TSC22D1: variants seen among roughly 807,000 people sequenced by gnomAD.
The protein encoded by TSC22D1 is TSC22 domain family protein 1.
In TSC22D1, 9 loss-of-function variants were observed where a neutral mutation model predicts 74.2. That is an observed-to-expected ratio of 0.12 (90% confidence interval 0.07 to 0.21). The LOEUF (loss-of-function observed/expected upper bound fraction) is 0.21. Among genes scored for constraint, TSC22D1 ranks in the 10% least tolerant of loss-of-function variants. The pLI is 1.00. For missense variants in TSC22D1, 1,427 were observed against 1,304.7 expected, an observed-to-expected ratio of 1.09 and a Z score of -1.44; for synonymous variants, 586 against 492.5, an observed-to-expected ratio of 1.19 and a Z score of -2.51.
At chr13:44,504,601 C>CAAAAAAAAAAA (rs10577341) in intron 1 of TSC22D1, among the ~76,000 whole-genome samples, 2 of 97,554 alleles carry the variant, frequency 2.1e-5, no homozygotes, top group Non-Finnish European at 4.1e-5. Flanking sequence ...GAGACTGTCT[C>CAAAAAAAAAAA]AAAAAAAAAA....
intron 1 of TSC22D1, among the ~76,000 whole-genome samples, chr13:44,551,967 G>GT (rs1595159608): frequency 6.6e-6 from 1 of 152,188 alleles, no homozygotes; most frequent in Admixed American, 6.5e-5. Flanking sequence ...TGGCACAGTA[G>GT]TAAGAGCAGA....
At chr13:44,474,070 A>G (rs928879292) in intron 1 of TSC22D1, 5 of 214,108 alleles carry the variant, frequency 2.3e-5, no homozygotes, top group African/African-American at 1.2e-4. Flanking sequence ...AAAACAAAGC[A>G]AAGAACTAAA....
At chr13:44,536,509 T>C (rs766339385) in intron 1 of TSC22D1, among the ~76,000 whole-genome samples, 8 of 151,864 alleles carry the variant, frequency 5.3e-5, no homozygotes, top group Admixed American at 2.6e-4. Context: ...GAGGCCAAGA[T>C]TTCTCCCACT....
At chr13:44,508,873 AG>A (rs1879556836) in intron 1 of TSC22D1, among the ~76,000 whole-genome samples, 1 of 152,168 alleles carries the variant, frequency 6.6e-6, no homozygotes, top group African/African-American at 2.4e-5. Context: ...AGTCAGACAC[AG>A]CCCCCGTGCT....
intron 1 of TSC22D1, among the ~76,000 whole-genome samples, chr13:44,519,165 C>T (rs1359143320): frequency 6.6e-6 from 1 of 152,144 alleles, no homozygotes. Context: ...ATGATTTCAA[C>T]AATATCATTG....
rs1875686655 is a variant in TSC22D1, at chr13:44,446,784, A to AAAG, written c.2913-10690_2913-10689insCTT. Among the ~76,000 whole-genome samples, 9 of 80,656 alleles carry AAAG rather than the reference A, an allele frequency of 1.1e-4. No homozygotes were observed. The South Asian group carries it at 3.5e-3, about 32-fold the overall frequency. 52.9% of individuals were successfully genotyped at this position (80,656 alleles called of 152,430 possible). On this transcript the variant is annotated intron_variant, in intron 1 of 2. Coordinates refer to ENST00000458659, the MANE Select transcript of TSC22D1 (RefSeq NM_183422.4). ...AAGAAGAAGAGGAAGAAGAGGAAGA[A>AAAG]GAGGAGGAGGAGGAGGAAAAGGAGG...
intron 1 of TSC22D1, among the ~76,000 whole-genome samples, chr13:44,438,933 C>A (rs1269104342): frequency 6.6e-6 from 1 of 151,994 alleles, no homozygotes; most frequent in Non-Finnish European, 1.5e-5. Context: ...ATTAAAGCAC[C>A]ATTTAAGCTA....
intron 1 of TSC22D1, among the ~76,000 whole-genome samples, chr13:44,527,309 T>C (rs1415155577): frequency 1.3e-5 from 2 of 152,124 alleles, no homozygotes; most frequent in South Asian, 2.1e-4. Flanking sequence ...ATAAATTTGT[T>C]CAAAATAATG....
intron 1 of TSC22D1, among the ~76,000 whole-genome samples, chr13:44,570,278 C>T (rs1234070091): frequency 6.6e-6 from 1 of 151,432 alleles, no homozygotes; most frequent in Admixed American, 6.6e-5. Context: ...GCAGCCTTGA[C>T]CTCCAGGGCT....
At chr13:44,537,558 T>A (rs1299091780) in intron 1 of TSC22D1, 1 of 984,976 alleles carries the variant, frequency 1.0e-6, no homozygotes, top group Non-Finnish European at 1.2e-6. Flanking sequence ...GCAAATATCA[T>A]TTTTAGTTCC....
rs191425697 is a variant in TSC22D1 at position 44,439,249 on chromosome 13, T to C, written c.2913-3154A>G. Among the ~76,000 whole-genome samples the C allele has an allele frequency of 3.5e-4, 53 of 152,360 alleles. 1 individual carries two copies. In the East Asian group the frequency reaches 4.4e-3, roughly 13 times the overall value. On this transcript the variant is annotated intron_variant, in intron 1 of 2. Coordinates refer to ENST00000458659, the MANE Select transcript of TSC22D1 (RefSeq NM_183422.4). Reference sequence around the variant, plus strand: ...ATCCTTCTACATACATCCTTGAACATGTATGTGTGTGTGCACACTTCTGGA... The same window carrying C: ...ATCCTTCTACATACATCCTTGAACACGTATGTGTGTGTGCACACTTCTGGA...
Position 44,434,002 on chromosome 13 carries a change from A to G in TSC22D1, c.*624T>C. On this transcript the variant is annotated 3_prime_UTR_variant, in exon 3 of 3. Coordinates refer to ENST00000458659, the MANE Select transcript of TSC22D1 (RefSeq NM_183422.4). ...ATATACAATAAGCAAAACAACCTTC[A>G]TGGTAAGATAGCCTAGGTCCCAGCT... 1 of 1,534,440 alleles carries G rather than the reference A, an allele frequency of 6.5e-7. No individual in the cohort carries two copies. The highest frequency in any genetic ancestry group is 8.7e-7 in the Non-Finnish European group (1 of 1,146,570).
intron 1 of TSC22D1, among the ~76,000 whole-genome samples, chr13:44,490,457 A>G (rs1878647338): frequency 6.6e-6 from 1 of 151,174 alleles, no homozygotes; most frequent in African/African-American, 2.4e-5. Context: ...TCTGTATGCT[A>G]TATTTCAATT....
intron 1 of TSC22D1, among the ~76,000 whole-genome samples, chr13:44,560,202 G>A (rs947912884): frequency 3.3e-5 from 5 of 152,044 alleles, no homozygotes; most frequent in African/African-American, 1.2e-4. Flanking sequence ...GGCTGAGGTG[G>A]GAAGATCACT....
At chr13:44,497,299 A>G (rs1194501510) in intron 1 of TSC22D1, among the ~76,000 whole-genome samples, 1 of 152,230 alleles carries the variant, frequency 6.6e-6, no homozygotes, top group African/African-American at 2.4e-5. Flanking sequence ...ACAAGGTCAC[A>G]TAGTATATGA....
intron 1 of TSC22D1, among the ~76,000 whole-genome samples, chr13:44,452,003 C>T (rs909557510): frequency 1.3e-5 from 2 of 152,208 alleles, no homozygotes; most frequent in African/African-American, 2.4e-5. Context: ...GTCAGGAAAG[C>T]AGGCAGGGGA....
Position 44,574,507 on chromosome 13 carries a change from C to T in TSC22D1, c.1568G>A (p.Gly523Asp). The T allele has an allele frequency of 6.2e-7, 1 of 1,614,150 alleles. No individual in the cohort carries two copies. Among genetic ancestry groups the T allele is most frequent in the Non-Finnish European group, 8.5e-7 (1 of 1,180,032 alleles). The change falls in exon 1 of 3, where the codon GGT becomes GAT. Residue 523 changes from glycine (G) to aspartate (D), a missense_variant. Physicochemically the swap from Gly to Asp is moderately conservative, Grantham distance 94. Coordinates refer to ENST00000458659, the MANE Select transcript of TSC22D1 (RefSeq NM_183422.4). Reference protein sequence around the residue: ...QGVTLQQMDFGSTGPQSIPAV... With the variant: ...QGVTLQQMDFDSTGPQSIPAV... Reference sequence around the variant, plus strand: ...TGGAATACTCTGTGGACCAGTGCTACCAAAATCCATCTGTTGGAGGGTCAC... The same window carrying T: ...TGGAATACTCTGTGGACCAGTGCTATCAAAATCCATCTGTTGGAGGGTCAC...
At chr13:44,452,265 G>A (rs867490508) in intron 1 of TSC22D1, among the ~76,000 whole-genome samples, 1 of 152,308 alleles carries the variant, frequency 6.6e-6, no homozygotes. Flanking sequence ...GGCAGAGTTG[G>A]TGGCAACTAC....
intron 1 of TSC22D1, among the ~76,000 whole-genome samples, chr13:44,518,457 C>T (rs923927986): frequency 2.6e-5 from 4 of 151,730 alleles, no homozygotes; most frequent in Non-Finnish European, 5.9e-5. Context: ...TAAGATTGTA[C>T]AATTATTTTA....
Sources: gnomAD v4.1 joint callset for allele counts (sites outside exome capture counted in the v4.1 genomes callset) on GRCh38, gnomAD v4.1.1 for gene constraint, MANE v1.5 for transcripts, NCBI Gene and HGNC (gene_info 2026-07-23, HGNC 2026-07-21) for gene names.